The following DLG2 variants were observed in gnomAD, a reference collection of about 807,000 sequenced individuals.
DLG2 encodes the protein disks large homolog 2.
DLG2 carries 45 observed loss-of-function variants against 132.5 expected under a neutral mutation model. That is an observed-to-expected ratio of 0.34 (90% CI 0.27 to 0.44). The LOEUF is 0.44. Among genes scored for constraint, DLG2 ranks in the 20% least tolerant of loss-of-function variants. The probability of loss-of-function intolerance (pLI) is 1.00; values close to 1 mark genes in which losing one functional copy is unlikely to be tolerated. For missense variants in DLG2, 1,045 were observed against 1,196.9 expected (o/e 0.87, Z 1.87); for synonymous variants, 424 against 419.6 (o/e 1.01, Z -0.13).
intron 6 of DLG2, among the ~76,000 whole-genome samples, chr11:84,656,320 G>A (rs186502610): frequency 1.3e-5 from 2 of 152,160 alleles, no homozygotes; most frequent in African/African-American, 4.8e-5. Context: ...ACATCCATTC[G>A]ATTCACTTGA....
intron 6 of DLG2, among the ~76,000 whole-genome samples, chr11:84,967,627 G>C (rs963492679): frequency 3.9e-5 from 6 of 152,080 alleles, no homozygotes; most frequent in African/African-American, 1.4e-4. Flanking sequence ...TGTGGCAAAT[G>C]ACCCCTTTAG....
chr11:85,628,195 A>G (rs1376252245), upstream of DLG2, among the ~76,000 whole-genome samples: 1 of 152,138 alleles, frequency 6.6e-6, no homozygotes, highest in African/African-American at 2.4e-5. Flanking sequence ...TTAACACCAC[A>G]CAGGCCAGGG....
chr11:84,923,682 A>G (rs1382502974), intron 6 of DLG2: 1 of 637,500 alleles, frequency 1.6e-6, no homozygotes, highest in Non-Finnish European at 2.0e-6. Flanking sequence ...GGCAAATACT[A>G]CAAATCACCG....
intron 6 of DLG2, among the ~76,000 whole-genome samples, chr11:84,957,832 T>C (rs2051929963): frequency 6.6e-6 from 1 of 152,248 alleles, no homozygotes; most frequent in East Asian, 1.9e-4. Flanking sequence ...GATTGCTGTG[T>C]CTGTGCAATT....
chr11:84,024,066 G>A (rs2095474239), intron 11 of DLG2, among the ~76,000 whole-genome samples: 1 of 152,024 alleles, frequency 6.6e-6, no homozygotes, highest in Admixed American at 6.6e-5. Flanking sequence ...TAAGTTTTGG[G>A]GGAATCAAAA....
chr11:83,866,365 T>C (rs1215629980), intron 16 of DLG2, among the ~76,000 whole-genome samples: 2 of 152,188 alleles, frequency 1.3e-5, no homozygotes, highest in Admixed American at 6.6e-5. Context: ...TTTAAGCAAC[T>C]AAATCTTGTC....
At chr11:84,841,660 C>T (rs577647392) in intron 6 of DLG2, among the ~76,000 whole-genome samples, 1 of 152,082 alleles carries the variant, frequency 6.6e-6, no homozygotes, top group Admixed American at 6.6e-5. Context: ...TTCTGAAAAA[C>T]ACACCACTGA....
At chr11:83,562,376 G>A (rs1218121402) in intron 19 of DLG2, among the ~76,000 whole-genome samples, 1 of 151,958 alleles carries the variant, frequency 6.6e-6, no homozygotes, top group Non-Finnish European at 1.5e-5. Flanking sequence ...ATTTTGATTC[G>A]CATAAATGTC....
chr11:84,337,380 T>C (rs948517939), intron 7 of DLG2, among the ~76,000 whole-genome samples: 20 of 152,206 alleles, frequency 1.3e-4, no homozygotes, highest in African/African-American at 4.8e-4. Flanking sequence ...ATCATATTCA[T>C]TGTAGAAAAG....
intron 3 of DLG2, among the ~76,000 whole-genome samples, chr11:85,296,319 A>G (rs1017774582): frequency 6.6e-6 from 1 of 152,166 alleles, no homozygotes; most frequent in Non-Finnish European, 1.5e-5. Flanking sequence ...ACAGGGAGAC[A>G]TTATCCATAG....
chr11:83,824,716 G>A (rs1319855494), intron 17 of DLG2, among the ~76,000 whole-genome samples: 2 of 152,034 alleles, frequency 1.3e-5, no homozygotes, highest in South Asian at 2.1e-4. Context: ...TCACACATCC[G>A]CTATTATACA....
intron 7 of DLG2, among the ~76,000 whole-genome samples, chr11:84,443,928 TTC>T (rs200448290): frequency 1.3e-5 from 2 of 152,050 alleles, no homozygotes; most frequent in Non-Finnish European, 1.5e-5. Flanking sequence ...TATCATTTTT[TTC>T]TCTCTTCTAA....
At chr11:85,389,436 G>T (rs191845823) in intron 3 of DLG2, among the ~76,000 whole-genome samples, 23 of 152,320 alleles carry the variant, frequency 1.5e-4, no homozygotes, top group African/African-American at 4.8e-4. Flanking sequence ...AAACATATTT[G>T]AGGGAATACC....
chr11:85,133,095 C>G (rs1358748809), intron 5 of DLG2: 2 of 328,202 alleles, frequency 6.1e-6, no homozygotes, highest in Non-Finnish European at 1.2e-5. Context: ...TGGAACAAGG[C>G]TCCTGTGAGT....
intron 8 of DLG2, among the ~76,000 whole-genome samples, chr11:84,219,589 T>A (rs1236368990): frequency 6.6e-6 from 1 of 152,258 alleles, no homozygotes; most frequent in African/African-American, 2.4e-5. Flanking sequence ...GCCTCAGGCT[T>A]ACTGACCTAT....
intron 3 of DLG2, among the ~76,000 whole-genome samples, chr11:85,535,464 G>C (rs983659995): frequency 1.3e-5 from 2 of 152,020 alleles, no homozygotes; most frequent in African/African-American, 4.8e-5. Flanking sequence ...TGAATGAAGA[G>C]ATATATTTTT....
chr11:84,532,051 A>G (rs2154520247), intron 7 of DLG2, among the ~76,000 whole-genome samples: 1 of 151,340 alleles, frequency 6.6e-6, no homozygotes, highest in South Asian at 2.1e-4. Flanking sequence ...TAATTATATT[A>G]TCATGTATAT....
intron 3 of DLG2, among the ~76,000 whole-genome samples, chr11:85,357,032 T>C (rs958160118): frequency 4.1e-5 from 5 of 120,962 alleles, no homozygotes; most frequent in Non-Finnish European, 8.7e-5. Flanking sequence ...TTTACAGAAC[T>C]TAATTAGGCC....
chr11:84,622,318 C>T (rs2154541549), intron 6 of DLG2, among the ~76,000 whole-genome samples: 1 of 152,278 alleles, frequency 6.6e-6, no homozygotes, highest in African/African-American at 2.4e-5. Flanking sequence ...AAGAGTCTTT[C>T]TTGATAGGAG....
Sources: allele counts gnomAD v4.1 joint callset (sites outside exome capture counted in the v4.1 genomes callset), GRCh38; gene constraint gnomAD v4.1.1; transcripts MANE v1.5; gene names NCBI Gene and HGNC (gene_info 2026-07-23, HGNC 2026-07-21).